Variants in LPL observed in about 807,000 individuals in gnomAD.
The protein encoded by LPL is phospholipase A1.
In LPL, 43 loss-of-function variants were observed where a neutral mutation model predicts 52.2. The ratio of observed to expected loss-of-function variants is 0.82; its 90% CI spans 0.64 to 1.06. The LOEUF is 1.06. LPL is among the 50% of genes least tolerant of loss of function. The pLI is 0.00. For synonymous variants in LPL, 244 were observed against 215.6 expected (o/e 1.13, Z -1.15); for missense variants, 639 against 585.3 (o/e 1.09, Z -0.95).
At chr8:19,962,063 C>A in intron 8 of LPL, 52 bp from the exon 9 acceptor site, 3 of 1,188,240 alleles carry the variant, frequency 2.5e-6, no homozygotes, top group African/African-American at 1.5e-5. Context: ...CCTTTGTGAA[C>A]AGTGCTTTTG....
intron 5 of LPL, among the ~76,000 whole-genome samples, chr8:19,954,981 G>T (rs2069970789): frequency 6.6e-6 from 1 of 152,156 alleles, no homozygotes; most frequent in Non-Finnish European, 1.5e-5. Flanking sequence ...TGGGATTGCA[G>T]CTGTGAGCCA....
At chr8:19,947,484 A>G (rs1334333619) in intron 1 of LPL, among the ~76,000 whole-genome samples, 2 of 152,128 alleles carry the variant, frequency 1.3e-5, no homozygotes, top group Non-Finnish European at 2.9e-5. Context: ...TACAAGAAAT[A>G]CAAGTTAGCC....
chr8:19,940,027 C>T (rs2069818452), intron 1 of LPL, among the ~76,000 whole-genome samples: 1 of 152,174 alleles, frequency 6.6e-6, no homozygotes, highest in Admixed American at 6.5e-5. Context: ...CTGGGGAAGC[C>T]GGGGCGCGGG....
chr8:19,957,141 T>A (rs2069992846), intron 6 of LPL, among the ~76,000 whole-genome samples: 1 of 152,218 alleles, frequency 6.6e-6, no homozygotes, highest in South Asian at 2.1e-4. Context: ...CCTTCTAAGA[T>A]ACTGCCATTT....
intron 8 of LPL, 108 bp downstream of exon 8, chr8:19,961,191 T>C: frequency 2.2e-6 from 2 of 896,022 alleles, no homozygotes; most frequent in Non-Finnish European, 3.5e-6. Flanking sequence ...TTAGGAAACC[T>C]TGTATTTATT....
intron 9 of LPL, among the ~76,000 whole-genome samples, chr8:19,963,484 T>C (rs28599962): frequency 0.033 from 4,952 of 151,150 alleles, 283 homozygotes; most frequent in African/African-American, 0.11. Flanking sequence ...AAAGACCCTA[T>C]GTGTAACATC....
intron 1 of LPL, among the ~76,000 whole-genome samples, chr8:19,945,310 T>G (rs2069873194): frequency 6.6e-6 from 1 of 152,062 alleles, no homozygotes; most frequent in Non-Finnish European, 1.5e-5. Flanking sequence ...TGAGACATCC[T>G]CGGGGGGTTG....
chr8:19,951,552 T>C, intron 2 of LPL: 2 of 632,950 alleles, frequency 3.2e-6, no homozygotes, highest in Non-Finnish European at 2.8e-6. Flanking sequence ...AATCTGCCGT[T>C]CCTCAACTCA....
intron 3 of LPL, 66 bp from the exon 4 acceptor site, chr8:19,953,244 T>C: frequency 1.1e-6 from 1 of 931,174 alleles, no homozygotes; most frequent in Non-Finnish European, 1.8e-6. Flanking sequence ...TTTATATTCA[T>C]TTTGTTTCTT....
At chr8:19,962,080 C>A in intron 8 of LPL, 35 bp from the exon 9 acceptor site, 1 of 1,369,154 alleles carries the variant, frequency 7.3e-7, no homozygotes, top group Non-Finnish European at 1.0e-6. Flanking sequence ...TTTGATTGTT[C>A]TACATGGCAT....
chr8:19,959,922 G>A (rs926208202), intron 7 of LPL, among the ~76,000 whole-genome samples: 2 of 151,302 alleles, frequency 1.3e-5, no homozygotes, highest in African/African-American at 2.4e-5. Flanking sequence ...CCGAGTAGCT[G>A]GGGCTGCAGG....
chr8:19,943,960 G>A lies in LPL; in HGVS notation c.89-4220G>A, dbSNP rs372372026. ...TCCCAGCATTTTGGGAGGCCGAGGC[G>A]GGTGGATCATGAGGTCGGGAGTTCA... On this transcript the variant is annotated intron_variant, in intron 1 of 9. Coordinates refer to ENST00000650287, the MANE Select transcript of LPL (RefSeq NM_000237.3). Among the ~76,000 whole-genome samples the A allele has an allele frequency of 8.1e-4, 124 of 152,278 alleles. 1 individual carries two copies. Among genetic ancestry groups the A allele is most frequent in the African/African-American group, 2.8e-3 (118 of 41,556 alleles).
intron 2 of LPL, 52 bp from the exon 3 acceptor site, chr8:19,951,717 T>C (rs2069935589): frequency 5.0e-6 from 8 of 1,598,184 alleles, no homozygotes; most frequent in African/African-American, 2.7e-5. Context: ...CTGATGTATC[T>C]ATGACAAGTG....
chr8:19,965,224 C>G, intron 9 of LPL, 86 bp from the exon 10 acceptor site: 2 of 766,120 alleles, frequency 2.6e-6, no homozygotes, highest in South Asian at 2.8e-5. Flanking sequence ...AAGGCTTTTT[C>G]CATCCTAAAA....
At chr8:19,963,043 C>T (rs2070053777) in intron 9 of LPL, among the ~76,000 whole-genome samples, 1 of 152,216 alleles carries the variant, frequency 6.6e-6, no homozygotes, top group African/African-American at 2.4e-5. Context: ...GTCATACAAG[C>T]CAGTGACACA....
At chr8:19,964,860 T>C (rs534491368) in intron 9 of LPL, among the ~76,000 whole-genome samples, 19 of 152,294 alleles carry the variant, frequency 1.2e-4, no homozygotes, top group African/African-American at 4.6e-4. Flanking sequence ...ACCTGAACTT[T>C]ATCTAGGAGG....
At chr8:19,943,884 C>T (rs2069861565) in intron 1 of LPL, among the ~76,000 whole-genome samples, 1 of 152,114 alleles carries the variant, frequency 6.6e-6, no homozygotes, top group South Asian at 2.1e-4. Context: ...ATTAATAAAA[C>T]AACTTTTATA....
At chr8:19,954,565 GAGC>G (rs1234757674) in intron 5 of LPL, among the ~76,000 whole-genome samples, 1 of 152,140 alleles carries the variant, frequency 6.6e-6, no homozygotes, top group Non-Finnish European at 1.5e-5. Flanking sequence ...AGGCTACACT[GAGC>G]AGTGCACTTA....
At chr8:19,954,413 A>C in intron 5 of LPL, 60 bp downstream of exon 5, 3 of 1,490,184 alleles carry the variant, frequency 2.0e-6, no homozygotes, top group Non-Finnish European at 2.8e-6. Context: ...TATTGACCCA[A>C]TGTCCTACTC....
Sources: gnomAD v4.1 joint callset for allele counts (sites outside exome capture counted in the v4.1 genomes callset) on GRCh38, gnomAD v4.1.1 for gene constraint, MANE v1.5 for transcripts, NCBI Gene and HGNC (gene_info 2026-07-23, HGNC 2026-07-21) for gene names.